The following ZC3H12C variants were observed in gnomAD, a reference collection of about 807,000 sequenced individuals.
ZC3H12C encodes the protein zinc finger CCCH-type containing 12C, also known as probable ribonuclease ZC3H12C.
A neutral mutation model predicts 76.3 loss-of-function variants in ZC3H12C; 20 were observed. The ratio of observed to expected loss-of-function variants is 0.26; its 90% CI spans 0.18 to 0.38. ZC3H12C has a LOEUF of 0.38. Among genes scored for constraint, ZC3H12C ranks in the 10% least tolerant of loss-of-function variants. The pLI, the probability that ZC3H12C is intolerant of heterozygous loss-of-function variation, is 1.00. For missense variants in ZC3H12C, 874 were observed against 1,086.5 expected (o/e 0.80, Z 2.75); for synonymous variants, 352 against 399.6 (o/e 0.88, Z 1.42).
chr11:110,131,783 G>A (rs1239251931), intron 1 of ZC3H12C: 1 of 152,232 alleles, frequency 6.6e-6, no homozygotes, highest in African/African-American at 2.4e-5. Flanking sequence ...CAGTTGGGAG[G>A]GAAAGAAAGA....
At chr11:110,150,845 A>T (rs1862259818) in intron 2 of ZC3H12C, among the ~76,000 whole-genome samples, 1 of 152,122 alleles carries the variant, frequency 6.6e-6, no homozygotes, top group Non-Finnish European at 1.5e-5. Flanking sequence ...CTTCCTATTA[A>T]CTGTTACATA....
chr11:110,118,851 T>A (rs746083690), intron 1 of ZC3H12C, among the ~76,000 whole-genome samples: 4 of 152,110 alleles, frequency 2.6e-5, no homozygotes, highest in Non-Finnish European at 4.4e-5. Flanking sequence ...AAGTTCCCCG[T>A]AAAGAAATCT....
intron 4 of ZC3H12C, among the ~76,000 whole-genome samples, chr11:110,162,192 A>T (rs1473677929): frequency 6.6e-6 from 1 of 152,146 alleles, no homozygotes; most frequent in African/African-American, 2.4e-5. Flanking sequence ...AAGTTTTTTT[A>T]TGTTAAAAAG....
intron 4 of ZC3H12C, among the ~76,000 whole-genome samples, chr11:110,162,867 C>T (rs1164706853): frequency 6.6e-6 from 1 of 152,134 alleles, no homozygotes; most frequent in Admixed American, 6.6e-5. Flanking sequence ...CATTGTGTTC[C>T]AGCCCCCTCC....
At chr11:110,097,254 A>G (rs1192787790) in intron 1 of ZC3H12C, among the ~76,000 whole-genome samples, 1 of 152,220 alleles carries the variant, frequency 6.6e-6, no homozygotes, top group African/African-American at 2.4e-5. Context: ...CACTGACAAT[A>G]ATTCTTATGC....
chr11:110,151,674 C>T (rs1170113528), intron 2 of ZC3H12C, among the ~76,000 whole-genome samples: 4 of 152,104 alleles, frequency 2.6e-5, no homozygotes, highest in East Asian at 1.9e-4. Context: ...ACCAGGCTAT[C>T]GGGTCACCCT....
intron 3 of ZC3H12C, among the ~76,000 whole-genome samples, chr11:110,154,549 G>A (rs1862338489): frequency 6.6e-6 from 1 of 151,810 alleles, no homozygotes; most frequent in Admixed American, 6.6e-5. Context: ...TAACCCTTTG[G>A]GAAAAATGTA....
At chr11:110,098,575 T>A (rs1362724610) in intron 1 of ZC3H12C, among the ~76,000 whole-genome samples, 1 of 152,234 alleles carries the variant, frequency 6.6e-6, no homozygotes, top group Admixed American at 6.5e-5. Context: ...TCTTACAAGC[T>A]TCATTCATGG....
At chr11:110,132,231 A>T (rs1591473050) in intron 1 of ZC3H12C, among the ~76,000 whole-genome samples, 1 of 149,394 alleles carries the variant, frequency 6.7e-6, no homozygotes, top group East Asian at 2.0e-4. Context: ...TAGAAAAAAG[A>T]TTTTTTTTTT....
intron 1 of ZC3H12C, among the ~76,000 whole-genome samples, chr11:110,107,976 GTC>G (rs1254534750): frequency 1.4e-4 from 21 of 151,746 alleles, no homozygotes; most frequent in Admixed American, 1.3e-3. Flanking sequence ...CAGAGACAGT[GTC>G]TCTCTGTCAC....
intron 1 of ZC3H12C, among the ~76,000 whole-genome samples, chr11:110,121,260 G>A (rs1483633436): frequency 2.0e-5 from 3 of 152,284 alleles, no homozygotes. Context: ...GTATTGGAAG[G>A]CTATTATTGA....
At chr11:110,106,833 G>C (rs1045847465) in intron 1 of ZC3H12C, among the ~76,000 whole-genome samples, 2 of 152,208 alleles carry the variant, frequency 1.3e-5, no homozygotes, top group African/African-American at 4.8e-5. Flanking sequence ...GTTGAGTCTC[G>C]TGATTTTCAG....
chr11:110,105,641 TTC>T (rs1016798250), intron 1 of ZC3H12C, among the ~76,000 whole-genome samples: 2 of 152,196 alleles, frequency 1.3e-5, no homozygotes, highest in Admixed American at 6.5e-5. Context: ...AAATTTATAA[TTC>T]TTTTTTTCAT....
intron 1 of ZC3H12C, among the ~76,000 whole-genome samples, chr11:110,116,489 A>T (rs928541905): frequency 7.2e-5 from 11 of 152,140 alleles, no homozygotes; most frequent in Non-Finnish European, 1.5e-4. Context: ...AATGCATTTG[A>T]TTTCTTGGTT....
rs1326821641 is a variant in ZC3H12C at position 110,165,711 on chromosome 11, G to T, written c.2626G>T (p.Val876Leu). The T allele has an allele frequency of 2.5e-6, 4 of 1,588,374 alleles. No individual in the cohort carries two copies. The highest frequency in any genetic ancestry group is 2.3e-5 in the South Asian group (2 of 87,014). The part of the protein sequence containing the change: ...DAQQLAAAIL[V>L]EKSQLGY ...CCAGCAGCTCGCCGCAGCCATTTTA[G>T]TGGAGAAATCCCAGCTGGGTTATTG... Residue 876 changes from valine to leucine, a missense_variant, in exon 6 of 6, where the codon GTG (valine) becomes TTG (leucine). By Grantham distance (32) the Val-to-Leu change is conservative. Transcript: ENST00000278590.
At position 110,116,761 on chromosome 11, in the gene ZC3H12C, C is replaced by T. The variant is rs1035632863; in HGVS notation, c.22-19902C>T. Among the ~76,000 whole-genome samples, 6 of 152,122 alleles carry T rather than the reference C, an allele frequency of 3.9e-5. 1 individual carries two copies. ...TTAACTCATTTAATCTTCATAACAACCCTATGCTGTTAGTGGTATTATCAT... is the reference window on the plus strand; with the variant it reads ...TTAACTCATTTAATCTTCATAACAATCCTATGCTGTTAGTGGTATTATCAT... On this transcript the variant is annotated intron_variant, in intron 1 of 5. Transcript: ENST00000278590.
chr11:110,169,814 C>T lies in ZC3H12C; in HGVS notation c.*4077C>T, dbSNP rs1349709908. Reference sequence around the variant, plus strand: ...GGGGTTGACTTTTTCTGTAAAGGATCAGATAGTAAATAATACAGGAATCAT... The same window carrying T: ...GGGGTTGACTTTTTCTGTAAAGGATTAGATAGTAAATAATACAGGAATCAT... On this transcript the variant is annotated 3_prime_UTR_variant, in exon 6 of 6. Transcript: ENST00000278590. 2 of 152,158 alleles carry T rather than the reference C, an allele frequency of 1.3e-5. No homozygotes were observed. Among genetic ancestry groups the T allele is most frequent in the Non-Finnish European group, 2.9e-5 (2 of 68,006 alleles). The allele number at this position is 152,158 out of a possible 1,614,324, so 9.4% of individuals were successfully genotyped here.
At chr11:110,136,536 G>A in intron 1 of ZC3H12C, 127 bp from the exon 2 acceptor site, 2 of 1,025,160 alleles carry the variant, frequency 2.0e-6, no homozygotes, top group East Asian at 5.1e-5. Flanking sequence ...GGTGTTAGGA[G>A]GGAGGAGAGG....
chr11:110,117,995 CAT>C lies in ZC3H12C; in HGVS notation c.22-18661_22-18660del, dbSNP rs1247333021. 6.1e-3 allele frequency among the ~76,000 whole-genome samples: 801 copies of C among 132,146 alleles called. 204 individuals are homozygous for C. The highest frequency in any genetic ancestry group is 0.015 in the African/African-American group (537 of 34,788). 86.7% of individuals were successfully genotyped at this position (132,146 alleles called of 152,430 possible). A position where few individuals can be genotyped will look rare whatever the true frequency, so the allele number is the denominator to read the frequency against. ...CACATATATATTATATATATACACA[CAT>C]ATATATTATATATATACACACACAC... is the stretch of plus-strand genomic sequence containing the variant. On this transcript the variant is annotated intron_variant, in intron 1 of 5. Transcript: ENST00000278590.
Sources: allele counts gnomAD v4.1 joint callset (sites outside exome capture counted in the v4.1 genomes callset), GRCh38; gene constraint gnomAD v4.1.1; transcripts MANE v1.5; gene names NCBI Gene and HGNC (gene_info 2026-07-23, HGNC 2026-07-21).